ZHX2: variants seen among roughly 807,000 people sequenced by gnomAD.
ZHX2 encodes the protein zinc fingers and homeoboxes 2, also known as zinc fingers and homeoboxes protein 2.
In ZHX2, 6 loss-of-function variants were observed where a neutral mutation model predicts 21.9. That is an observed-to-expected ratio of 0.27 (90% CI 0.15 to 0.54). The LOEUF is 0.54. Among genes scored for constraint, ZHX2 ranks in the 20% least tolerant of loss-of-function variants. The probability of loss-of-function intolerance (pLI) is 0.95; values close to 1 mark genes in which losing one functional copy is unlikely to be tolerated. For missense variants in ZHX2, 908 were observed against 1,090.7 expected, an observed-to-expected ratio of 0.83 and a Z score of 2.36; for synonymous variants, 434 against 437.1, an observed-to-expected ratio of 0.99 and a Z score of 0.09.
intron 1 of ZHX2, among the ~76,000 whole-genome samples, chr8:122,860,654 G>T (rs562102180): frequency 1.3e-4 from 20 of 152,226 alleles, no homozygotes; most frequent in Non-Finnish European, 2.1e-4. Context: ...GCTAGAGAAA[G>T]TTTGAGGCAG....
intron 3 of ZHX2, among the ~76,000 whole-genome samples, chr8:122,960,461 C>A (rs1282724601): frequency 6.6e-6 from 1 of 152,100 alleles, no homozygotes; most frequent in Non-Finnish European, 1.5e-5. Context: ...TCGCTTGAAC[C>A]CAGGAGGTGG....
intron 1 of ZHX2, among the ~76,000 whole-genome samples, chr8:122,820,052 G>A (rs1818109448): frequency 6.6e-6 from 1 of 152,104 alleles, no homozygotes; most frequent in African/African-American, 2.4e-5. Flanking sequence ...ACATCACGAT[G>A]GAAACAATTG....
At chr8:122,852,228 A>G (rs970813552) in intron 1 of ZHX2, among the ~76,000 whole-genome samples, 1 of 152,222 alleles carries the variant, frequency 6.6e-6, no homozygotes, top group Non-Finnish European at 1.5e-5. Context: ...ACTGATTAGA[A>G]TCAAATATTT....
chr8:122,968,628 C>G (rs1466011011), intron 3 of ZHX2, among the ~76,000 whole-genome samples: 1 of 152,064 alleles, frequency 6.6e-6, no homozygotes, highest in Non-Finnish European at 1.5e-5. Flanking sequence ...TACCTGAGGT[C>G]ACAAGTTCAA....
chr8:122,788,007 C>A (rs923227796), intron 1 of ZHX2, among the ~76,000 whole-genome samples: 4 of 152,136 alleles, frequency 2.6e-5, no homozygotes, highest in African/African-American at 9.7e-5. Context: ...CCATCTCATC[C>A]CCCACAGCCT....
chr8:122,953,934 A>G lies in ZHX2; in HGVS notation c.2424A>G (p.Ser808=). 6.2e-7 allele frequency: 1 copy of G among 1,614,170 alleles called. No homozygotes were observed. Residue 808 remains serine (S), a synonymous_variant, in exon 3 of 4, where the codon TCA becomes TCG. Coordinates refer to ENST00000314393, the MANE Select transcript of ZHX2 (RefSeq NM_014943.5). The surrounding 1 kb of genome is among the most constrained non-coding windows in gnomAD (Gnocchi z 4.6). ...AGGAGGATGCGATCTCAGATAGATC[A>G]GATAGCTGGAGTCAGGCTGCGGCAG... ...VGEEDAISDR[S]DSWSQAAAEG... is the part of the protein sequence containing the mutation.
chr8:122,849,710 T>G (rs1818841531), intron 1 of ZHX2, among the ~76,000 whole-genome samples: 1 of 152,184 alleles, frequency 6.6e-6, no homozygotes, highest in South Asian at 2.1e-4. Context: ...ATCCTTAACT[T>G]AATTACATCT....
intron 2 of ZHX2, among the ~76,000 whole-genome samples, chr8:122,943,876 C>CA (rs1266262886): frequency 6.6e-6 from 1 of 152,208 alleles, no homozygotes; most frequent in African/African-American, 2.4e-5. Context: ...CCCTTGCCTG[C>CA]AGACCAAAAT....
At chr8:122,930,195 T>G (rs564927202) in intron 2 of ZHX2, among the ~76,000 whole-genome samples, 1 of 152,200 alleles carries the variant, frequency 6.6e-6, no homozygotes, top group East Asian at 1.9e-4. Flanking sequence ...TAGAAATGTT[T>G]TGTGGGCTGC....
At chr8:122,848,381 C>G (rs553783347) in intron 1 of ZHX2, among the ~76,000 whole-genome samples, 1 of 152,172 alleles carries the variant, frequency 6.6e-6, no homozygotes, top group Non-Finnish European at 1.5e-5. Flanking sequence ...TGCTCTCCCC[C>G]ATGGCCTGCA....
chr8:122,963,450 A>G (rs1813506206), intron 3 of ZHX2, among the ~76,000 whole-genome samples: 1 of 151,790 alleles, frequency 6.6e-6, no homozygotes, highest in African/African-American at 2.4e-5. Context: ...GGCTTTATAT[A>G]TATTTTCTCT....
intron 1 of ZHX2, chr8:122,815,383 A>T (rs1203231028): frequency 6.6e-6 from 1 of 152,246 alleles, no homozygotes; most frequent in South Asian, 2.1e-4. Flanking sequence ...AAATACAGGC[A>T]TACCTCATTT....
intron 2 of ZHX2, among the ~76,000 whole-genome samples, chr8:122,935,141 T>C (rs1812648442): frequency 2.0e-5 from 3 of 151,866 alleles, no homozygotes; most frequent in Middle Eastern, 6.8e-3. Flanking sequence ...GATGACTTTT[T>C]TTCCTCTCTC....
At chr8:122,942,457 G>A (rs556014685) in intron 2 of ZHX2, among the ~76,000 whole-genome samples, 69 of 152,126 alleles carry the variant, frequency 4.5e-4, no homozygotes, top group Non-Finnish European at 9.0e-4. Flanking sequence ...GCGATGAGAC[G>A]TGGCATCCCT....
chr8:122,936,528 G>A (rs1812694384), intron 2 of ZHX2, among the ~76,000 whole-genome samples: 1 of 152,232 alleles, frequency 6.6e-6, no homozygotes, highest in Non-Finnish European at 1.5e-5. Context: ...TGTCGTGGCA[G>A]GAAAAGGCTG....
intron 3 of ZHX2, among the ~76,000 whole-genome samples, chr8:122,971,336 C>G (rs1220838684): frequency 6.6e-6 from 1 of 150,432 alleles, no homozygotes; most frequent in African/African-American, 2.5e-5. Context: ...GACAACATCA[C>G]CTATAAGGAT....
At chr8:122,906,125 T>TG (rs1820342158) in intron 2 of ZHX2, among the ~76,000 whole-genome samples, 1 of 152,218 alleles carries the variant, frequency 6.6e-6, no homozygotes, top group Non-Finnish European at 1.5e-5. Context: ...CCCCAAACTA[T>TG]GGAAAATAAT....
At chr8:122,821,156 G>A (rs1172666281) in intron 1 of ZHX2, among the ~76,000 whole-genome samples, 1 of 152,226 alleles carries the variant, frequency 6.6e-6, no homozygotes, top group African/African-American at 2.4e-5. Flanking sequence ...GGAGGGGTGC[G>A]CTGGTTCTGC....
intron 2 of ZHX2, among the ~76,000 whole-genome samples, chr8:122,891,297 T>C (rs1021277288): frequency 2.0e-5 from 3 of 149,720 alleles, no homozygotes; most frequent in African/African-American, 7.3e-5. Context: ...TGTGTGTGTG[T>C]GTGTGTGTGT....
Sources: gnomAD v4.1 joint callset for allele counts (sites outside exome capture counted in the v4.1 genomes callset) on GRCh38, gnomAD v4.1.1 for gene constraint, Gnocchi (gnomAD v3.1) non-coding constraint, MANE v1.5 for transcripts, NCBI Gene and HGNC (gene_info 2026-07-23, HGNC 2026-07-21) for gene names.